CDH4: variants seen among roughly 807,000 people sequenced by gnomAD.
The protein encoded by CDH4 is cadherin 4, also known as cadherin-4.
CDH4 carries 33 observed loss-of-function variants against 86.0 expected under a neutral mutation model. The observed-to-expected ratio is 0.38, with a 90% CI of 0.29 to 0.51. The LOEUF is 0.51. Ranked by LOEUF, CDH4 falls within the 20% of genes least tolerant of loss-of-function variation. The pLI, the probability that CDH4 is intolerant of heterozygous loss-of-function variation, is 0.86. For synonymous variants in CDH4, 555 were observed against 549.4 expected (o/e 1.01, Z -0.14); for missense variants, 1,114 against 1,307.4 (o/e 0.85, Z 2.28).
intron 2 of CDH4, among the ~76,000 whole-genome samples, chr20:61,405,158 C>T (rs2085074385): frequency 6.6e-6 from 1 of 151,992 alleles, no homozygotes. Context: ...TGGAGAGGTC[C>T]TCCATCCCCT....
rs575287817 is a variant in CDH4 at position 61,423,893 on chromosome 20, C to G, written c.169+168956C>G. 7.5e-5 allele frequency among the ~76,000 whole-genome samples: 11 copies of G among 147,396 alleles called. No individual in the cohort carries two copies. In the South Asian group the frequency reaches 1.9e-3, roughly 26 times the overall value. ...TCTGGCGGCATCCTCAGCCTCATAC[C>G]TTGTCACTCCCTGTGCGCACACATG... is the stretch of plus-strand genomic sequence containing the variant. On this transcript the variant is annotated intron_variant, in intron 2 of 15. Transcript: ENST00000614565.
At chr20:61,624,054 G>A (rs777207058) in intron 2 of CDH4, among the ~76,000 whole-genome samples, 3 of 152,160 alleles carry the variant, frequency 2.0e-5, no homozygotes, top group Admixed American at 6.5e-5. Flanking sequence ...CTGTCTTTTG[G>A]CAAGTATCCT....
intron 7 of CDH4, among the ~76,000 whole-genome samples, chr20:61,875,448 C>A (rs144349896): frequency 6.6e-6 from 1 of 152,288 alleles, no homozygotes; most frequent in East Asian, 1.9e-4. Flanking sequence ...CAGCCCCAGC[C>A]GTGGCACCTT....
intron 3 of CDH4, among the ~76,000 whole-genome samples, chr20:61,752,183 T>A (rs1371639502): frequency 6.6e-6 from 1 of 151,942 alleles, no homozygotes; most frequent in Non-Finnish European, 1.5e-5. Context: ...AATACAAAAA[T>A]TAGCTAGGCA....
At chr20:61,428,905 C>T (rs935352093) in intron 2 of CDH4, among the ~76,000 whole-genome samples, 1 of 152,136 alleles carries the variant, frequency 6.6e-6, no homozygotes, top group African/African-American at 2.4e-5. Flanking sequence ...GACTGAGAGC[C>T]ATTTCTCCCA....
rs2055233679 is a variant in CDH4 at position 61,939,157 on chromosome 20, A to T, written c.*2214A>T. ...AGTCCATGCTTCAGTCCTTCGGAGTATGCGTGGATTGTTCGAAGTGTGACT... is the reference window on the plus strand; with the variant it reads ...AGTCCATGCTTCAGTCCTTCGGAGTTTGCGTGGATTGTTCGAAGTGTGACT... On this transcript the variant is annotated 3_prime_UTR_variant, in exon 16 of 16. Coordinates refer to ENST00000614565, the MANE Select transcript of CDH4 (RefSeq NM_001794.5). The T allele has an allele frequency of 6.6e-6, 1 of 152,290 alleles. No homozygotes were observed. The highest frequency in any genetic ancestry group is 1.5e-5 in the Non-Finnish European group (1 of 68,092). The allele number at this position is 152,290 out of a possible 1,614,324, so 9.4% of individuals were successfully genotyped here.
chr20:61,764,709 A>G (rs2088678580), intron 3 of CDH4, among the ~76,000 whole-genome samples: 1 of 152,146 alleles, frequency 6.6e-6, no homozygotes, highest in South Asian at 2.1e-4. Flanking sequence ...CCCAGATGTA[A>G]AGTGAAGCTT....
chr20:61,818,084 C>T (rs184645500), intron 4 of CDH4, among the ~76,000 whole-genome samples: 2 of 152,088 alleles, frequency 1.3e-5, no homozygotes, highest in Admixed American at 6.5e-5. Flanking sequence ...GGCTGGAGTG[C>T]AATGGTGCGA....
intron 4 of CDH4, among the ~76,000 whole-genome samples, chr20:61,838,822 T>TAAAAA (rs11412264): frequency 5.7e-5 from 7 of 123,402 alleles, no homozygotes; most frequent in South Asian, 2.6e-4. Context: ...AGACCCTGTC[T>TAAAAA]AAAAAAAAAA....
chr20:61,401,347 T>A (rs1191899209), intron 2 of CDH4, among the ~76,000 whole-genome samples: 2 of 152,120 alleles, frequency 1.3e-5, no homozygotes, highest in Non-Finnish European at 2.9e-5. Flanking sequence ...TCAGTCCCTG[T>A]TGTGCGTTGA....
At chr20:61,856,605 G>A (rs959504938) in intron 6 of CDH4, among the ~76,000 whole-genome samples, 2 of 116,358 alleles carry the variant, frequency 1.7e-5, no homozygotes, top group African/African-American at 5.6e-5. Context: ...GAATCCATGA[G>A]GGTCCTGTGT....
chr20:61,262,378 C>T (rs187254178), intron 2 of CDH4, among the ~76,000 whole-genome samples: 8 of 150,326 alleles, frequency 5.3e-5, no homozygotes, highest in Admixed American at 3.3e-4. Flanking sequence ...TGGTGCTTTC[C>T]GAGGTTCACG....
At chr20:61,541,272 G>A (rs1398309165) in intron 2 of CDH4, among the ~76,000 whole-genome samples, 4 of 152,160 alleles carry the variant, frequency 2.6e-5, no homozygotes, top group South Asian at 2.1e-4. Context: ...TGCGGAGAAC[G>A]CCAGGAGGAA....
intron 4 of CDH4, among the ~76,000 whole-genome samples, chr20:61,792,237 G>C (rs1979243096): frequency 6.6e-6 from 1 of 152,112 alleles, no homozygotes; most frequent in Non-Finnish European, 1.5e-5. Flanking sequence ...GAGCCATCGA[G>C]GCTGGCTCCT....
Position 61,490,417 on chromosome 20 carries a change from G to A in CDH4, c.169+235480G>A, listed in dbSNP as rs2427133. ...AATTGGTGGTTTAAAAATTGTCATG[G>A]TGGCCGGGCGCAGTGGCTCATGCCT... On this transcript the variant is annotated intron_variant, in intron 2 of 15. Coordinates refer to ENST00000614565, the MANE Select transcript of CDH4 (RefSeq NM_001794.5). Among the ~76,000 whole-genome samples the A allele has an allele frequency of 1.7e-3, 261 of 152,294 alleles. 1 individual carries two copies. The highest frequency in any genetic ancestry group is 2.7e-3 in the Non-Finnish European group (185 of 68,020).
intron 2 of CDH4, among the ~76,000 whole-genome samples, chr20:61,565,537 G>A (rs1338255881): frequency 6.6e-6 from 1 of 152,054 alleles, no homozygotes; most frequent in Non-Finnish European, 1.5e-5. Flanking sequence ...CTGGCATCTA[G>A]GTGTCCCACT....
At chr20:61,907,735 C>G (rs185584944) in intron 8 of CDH4, among the ~76,000 whole-genome samples, 5 of 152,210 alleles carry the variant, frequency 3.3e-5, no homozygotes, top group Non-Finnish European at 7.4e-5. Context: ...CTGCAGGTTC[C>G]GGGCTCTGGC....
chr20:61,310,347 C>T (rs1016346337), intron 2 of CDH4, among the ~76,000 whole-genome samples: 3 of 152,196 alleles, frequency 2.0e-5, no homozygotes, highest in Admixed American at 6.5e-5. Context: ...ACGTTTTTGG[C>T]ACCAGGGACC....
intron 4 of CDH4, among the ~76,000 whole-genome samples, chr20:61,777,361 C>T (rs573489776): frequency 9.8e-4 from 149 of 152,346 alleles, no homozygotes; most frequent in African/African-American, 3.3e-3. Context: ...TTGGCAGAAA[C>T]GTTAGCACTG....
Sources: gnomAD v4.1 joint callset for allele counts (sites outside exome capture counted in the v4.1 genomes callset) on GRCh38, gnomAD v4.1.1 for gene constraint, MANE v1.5 for transcripts, NCBI Gene and HGNC (gene_info 2026-07-23, HGNC 2026-07-21) for gene names.